The following RYR2 variants were observed in gnomAD, a reference collection of about 807,000 sequenced individuals.
RYR2 encodes the protein cardiac muscle ryanodine receptor-calcium release channel.
A neutral mutation model predicts 601.1 loss-of-function variants in RYR2; 227 were observed. The observed-to-expected ratio is 0.38, with a 90% CI of 0.34 to 0.42. The LOEUF (loss-of-function observed/expected upper bound fraction) is 0.42, where lower values mean the gene tolerates loss of function less well. RYR2 is among the 10% of genes least tolerant of loss of function. The pLI, the probability that RYR2 is intolerant of heterozygous loss-of-function variation, is 1.00. For missense variants in RYR2, 4,646 were observed against 6,156.5 expected, an observed-to-expected ratio of 0.75 and a Z score of 8.21; for synonymous variants, 2,223 against 2,175.1, an observed-to-expected ratio of 1.02 and a Z score of -0.61.
chr1:237,383,202 A>T (rs751070021), intron 8 of RYR2, among the ~76,000 whole-genome samples: 4 of 152,008 alleles, frequency 2.6e-5, no homozygotes, highest in Non-Finnish European at 5.9e-5. Flanking sequence ...AATACGTAGG[A>T]TAACAAAGGA....
At chr1:237,535,153 T>C (rs1668472940) in intron 25 of RYR2, among the ~76,000 whole-genome samples, 1 of 151,664 alleles carries the variant, frequency 6.6e-6, no homozygotes, top group South Asian at 2.1e-4. Context: ...AAGTATTACT[T>C]GGAGAAAGTA....
intron 1 of RYR2, among the ~76,000 whole-genome samples, chr1:237,198,996 A>C (rs1286875386): frequency 6.6e-6 from 1 of 152,182 alleles, no homozygotes; most frequent in Non-Finnish European, 1.5e-5. Flanking sequence ...GGTCAATGCC[A>C]TGAAAATTAT....
At chr1:237,200,292 C>G (rs556467102) in intron 1 of RYR2, among the ~76,000 whole-genome samples, 1 of 151,524 alleles carries the variant, frequency 6.6e-6, no homozygotes, top group African/African-American at 2.4e-5. Flanking sequence ...TAGGTAGAGT[C>G]TCACTCTGTT....
At chr1:237,677,228 C>T (rs1319317688) in intron 60 of RYR2, among the ~76,000 whole-genome samples, 1 of 152,108 alleles carries the variant, frequency 6.6e-6, no homozygotes, top group Non-Finnish European at 1.5e-5. Flanking sequence ...GGAAGCTCTG[C>T]TTACAAATTT....
intron 100 of RYR2, among the ~76,000 whole-genome samples, chr1:237,815,643 G>C (rs748524495): frequency 6.6e-6 from 1 of 152,162 alleles, no homozygotes; most frequent in Admixed American, 6.5e-5. Context: ...GTGAGGAAGG[G>C]TATTTCCAGG....
rs191555870 is a variant in RYR2, at chr1:237,374,673, C to T, written c.385-44C>T. The stretch of plus-strand genomic sequence containing the variant: ...CCTTGTCTCAAACACAAACAACAGA[C>T]GAACAAAACCTCTACTTACAACTAC... On this transcript the variant is annotated intron_variant, in intron 6 of 104. Transcript: ENST00000366574. The T allele has an allele frequency of 2.9e-4, 437 of 1,507,458 alleles. No homozygotes were observed. In the African/African-American group the frequency reaches 4.6e-3, roughly 16 times the overall value. 93.4% of individuals were successfully genotyped at this position (1,507,458 alleles called of 1,614,324 possible).
Position 237,454,547 on chromosome 1 carries a change from G to A in RYR2, c.1449G>A (p.Lys483=). Residue 483 remains lysine (K), a synonymous_variant, in exon 15 of 105, where the codon AAG becomes AAA. Coordinates refer to ENST00000366574, the MANE Select transcript of RYR2 (RefSeq NM_001035.3). The part of the protein sequence containing the change: ...EDKQNRLRAL[K]NRQNLFQEEG... ...AACAGAACAGACTACGAGCCCTGAA[G>A]AATCGGCAAAATCTCTTCCAGGAAG... The A allele has an allele frequency of 6.2e-7, 1 of 1,613,282 alleles. No homozygotes were observed. The highest frequency in any genetic ancestry group is 8.5e-7 in the Non-Finnish European group (1 of 1,179,542).
intron 1 of RYR2, among the ~76,000 whole-genome samples, chr1:237,240,680 A>AAC (rs1553358974): frequency 6.7e-6 from 1 of 149,140 alleles, no homozygotes; most frequent in African/African-American, 2.4e-5. Flanking sequence ...AAAAAAAAAA[A>AAC]AAAAAAAAAC....
intron 12 of RYR2, among the ~76,000 whole-genome samples, chr1:237,431,468 T>G (rs983745366): frequency 2.6e-5 from 4 of 152,186 alleles, no homozygotes; most frequent in African/African-American, 4.8e-5. Context: ...TATATGATTT[T>G]GGGCCTAATT....
intron 1 of RYR2, among the ~76,000 whole-genome samples, chr1:237,134,615 G>C (rs531249728): frequency 6.6e-6 from 1 of 152,282 alleles, no homozygotes; most frequent in South Asian, 2.1e-4. Flanking sequence ...TTCAAGATGA[G>C]ATTTGGGTGG....
At chr1:237,652,883 C>T (rs1415010204) in intron 51 of RYR2, among the ~76,000 whole-genome samples, 1 of 151,844 alleles carries the variant, frequency 6.6e-6, no homozygotes, top group Non-Finnish European at 1.5e-5. Flanking sequence ...ATGTATGTGT[C>T]CATTTTTTTT....
chr1:237,587,761 T>TCC (rs1674691782), intron 29 of RYR2, among the ~76,000 whole-genome samples: 1 of 152,172 alleles, frequency 6.6e-6, no homozygotes. Context: ...GTATTTCAAA[T>TCC]ATGCAGAAAA....
At chr1:237,051,460 A>G (rs1458631657) in intron 1 of RYR2, among the ~76,000 whole-genome samples, 2 of 151,590 alleles carry the variant, frequency 1.3e-5, no homozygotes, top group Non-Finnish European at 2.9e-5. Context: ...TTCAGGAACA[A>G]TGGTGTCCAC....
At chr1:237,216,061 TTAAC>T (rs1012273141) in intron 1 of RYR2, among the ~76,000 whole-genome samples, 12 of 152,284 alleles carry the variant, frequency 7.9e-5, no homozygotes, top group African/African-American at 2.9e-4. Flanking sequence ...TTAACGATAT[TTAAC>T]TAAGGAAATA....
intron 1 of RYR2, among the ~76,000 whole-genome samples, chr1:237,123,244 C>T (rs192376893): frequency 3.3e-4 from 51 of 152,292 alleles, no homozygotes; most frequent in Admixed American, 8.5e-4. Flanking sequence ...CCCTAAGATG[C>T]TTTCTCATTT....
chr1:237,567,401 A>G lies in RYR2; in HGVS notation c.3423+626A>G, dbSNP rs547546886. On this transcript the variant is annotated intron_variant, in intron 28 of 104. Transcript: ENST00000366574. Reference sequence around the variant, plus strand: ...CAAGACCAGCCTGGGCAACAAAGTAAGATCCTGTCTCTACAAAAAAAAAAA... The same window carrying G: ...CAAGACCAGCCTGGGCAACAAAGTAGGATCCTGTCTCTACAAAAAAAAAAA... Among the ~76,000 whole-genome samples the G allele has an allele frequency of 4.4e-5, 6 of 136,952 alleles. No individual in the cohort carries two copies. The East Asian group carries it at 1.3e-3, about 29-fold the overall frequency. 89.8% of individuals were successfully genotyped at this position (136,952 alleles called of 152,430 possible).
At chr1:237,690,387 G>A (rs1472316400) in intron 63 of RYR2, among the ~76,000 whole-genome samples, 1 of 152,104 alleles carries the variant, frequency 6.6e-6, no homozygotes, top group African/African-American at 2.4e-5. Context: ...AATAAACCTA[G>A]AGATCAATTT....
rs543556662 is a variant in RYR2 at position 237,179,539 on chromosome 1, A to G, written c.49-90958A>G. The stretch of plus-strand genomic sequence containing the variant: ...TATTTATTGATGTCTATGAATACCA[A>G]CTGTTCCACTGAACTCTTTATCTGC... On this transcript the variant is annotated intron_variant, in intron 1 of 104. Transcript: ENST00000366574. Among the ~76,000 whole-genome samples, 19 of 152,236 alleles carry G rather than the reference A, an allele frequency of 1.2e-4. 1 individual carries two copies. In the Middle Eastern group the frequency reaches 0.014, roughly 109 times the overall value.
chr1:237,280,391 C>T (rs2149380058), intron 2 of RYR2, among the ~76,000 whole-genome samples: 1 of 152,246 alleles, frequency 6.6e-6, no homozygotes, highest in Non-Finnish European at 1.5e-5. Context: ...GCTGTTTCTT[C>T]TCTCTACTTT....
Sources: gnomAD v4.1 joint callset for allele counts (sites outside exome capture counted in the v4.1 genomes callset) on GRCh38, gnomAD v4.1.1 for gene constraint, MANE v1.5 for transcripts, NCBI Gene and HGNC (gene_info 2026-07-23, HGNC 2026-07-21) for gene names.